NUDCD1: variants seen among roughly 807,000 people sequenced by gnomAD.
NUDCD1 encodes nudC domain-containing protein 1.
In NUDCD1, 60 loss-of-function variants were observed where a neutral mutation model predicts 67.8. The ratio of observed to expected loss-of-function variants is 0.88; its 90% CI spans 0.72 to 1.10. The LOEUF is 1.10. Among genes scored for constraint, NUDCD1 ranks in the 50% least tolerant of loss-of-function variants. The probability of loss-of-function intolerance (pLI) is 0.00; values close to 1 mark genes in which losing one functional copy is unlikely to be tolerated. For synonymous variants in NUDCD1, 244 were observed against 230.8 expected (o/e 1.06, Z -0.52); for missense variants, 643 against 695.0 (o/e 0.93, Z 0.84).
intron 8 of NUDCD1, among the ~76,000 whole-genome samples, chr8:109,255,688 A>G (rs1462341268): frequency 6.6e-6 from 1 of 151,904 alleles, no homozygotes; most frequent in African/African-American, 2.4e-5. Flanking sequence ...GAAAAAAAAA[A>G]AAAAGAAAAA....
chr8:109,266,934 G>C (rs924159771), intron 8 of NUDCD1, among the ~76,000 whole-genome samples: 3 of 151,988 alleles, frequency 2.0e-5, no homozygotes, highest in Non-Finnish European at 4.4e-5. Flanking sequence ...TTAAAACATA[G>C]AGTTCTGACC....
chr8:109,317,901 CTT>C (rs943702849), intron 2 of NUDCD1, among the ~76,000 whole-genome samples: 1 of 152,096 alleles, frequency 6.6e-6, no homozygotes, highest in Non-Finnish European at 1.5e-5. Context: ...CTGCTGTACC[CTT>C]TTTGTCAGCT....
In NUDCD1 at chr8:109,325,407, T is replaced by C. The variant is rs62509870; in HGVS notation, c.119-2944A>G. ...TAAATACTGAAGTTGATGAACACCC[T>C]AAATACTGATTTGATCATTACACAC... On this transcript the variant is annotated intron_variant, in intron 1 of 9. Coordinates refer to ENST00000239690, the MANE Select transcript of NUDCD1 (RefSeq NM_032869.4). Among the ~76,000 whole-genome samples the C allele has an allele frequency of 7.7e-3, 1,166 of 152,340 alleles. 7 individuals are homozygous for C. Among genetic ancestry groups the C allele is most frequent in the Non-Finnish European group, 0.012 (850 of 68,024 alleles).
chr8:109,328,487 A>T lies in NUDCD1; in HGVS notation c.118+5406T>A, dbSNP rs551040781. 1.1e-3 allele frequency among the ~76,000 whole-genome samples: 167 copies of T among 152,298 alleles called. 1 individual carries two copies. Among genetic ancestry groups the T allele is most frequent in the African/African-American group, 3.9e-3 (163 of 41,558 alleles). On this transcript the variant is annotated intron_variant, in intron 1 of 9. Transcript: ENST00000239690. ...TCTGCCTCAAGTACTCAAGAGTACT[A>T]ATGGCATGTGTTTGAGGAGATTACC...
chr8:109,264,530 T>G (rs1429542443), intron 8 of NUDCD1, among the ~76,000 whole-genome samples: 1 of 152,192 alleles, frequency 6.6e-6, no homozygotes, highest in African/African-American at 2.4e-5. Flanking sequence ...TCGTCATGGG[T>G]AAAAACATCC....
chr8:109,272,929 G>A (rs1310008565), intron 7 of NUDCD1, among the ~76,000 whole-genome samples: 2 of 152,070 alleles, frequency 1.3e-5, no homozygotes, highest in African/African-American at 4.8e-5. Flanking sequence ...TCTATGTCCA[G>A]CAGAATAGAG....
chr8:109,292,222 C>T (rs542949998), intron 4 of NUDCD1, among the ~76,000 whole-genome samples: 6 of 151,992 alleles, frequency 3.9e-5, no homozygotes, highest in Admixed American at 1.3e-4. Flanking sequence ...TTGGCATACT[C>T]GGATAGCTGT....
chr8:109,279,474 T>C (rs558253682), intron 6 of NUDCD1, among the ~76,000 whole-genome samples: 1 of 144,274 alleles, frequency 6.9e-6, no homozygotes, highest in African/African-American at 2.5e-5. Context: ...GGCTTCCTTA[T>C]ACACTAAGAA....
At chr8:109,328,685 A>G (rs1815736012) in intron 1 of NUDCD1, among the ~76,000 whole-genome samples, 2 of 152,182 alleles carry the variant, frequency 1.3e-5, no homozygotes, top group Admixed American at 6.5e-5. Flanking sequence ...ATAACCCTAG[A>G]CTGAGCACTG....
intron 2 of NUDCD1, among the ~76,000 whole-genome samples, chr8:109,308,364 C>T (rs1460593119): frequency 6.6e-6 from 1 of 152,132 alleles, no homozygotes. Flanking sequence ...TAAACACCTA[C>T]ATCGGAAAGT....
intron 7 of NUDCD1, 37 bp from the exon 8 acceptor site, chr8:109,271,167 CAAAT>C: frequency 1.4e-6 from 2 of 1,396,852 alleles, no homozygotes; most frequent in Non-Finnish European, 2.0e-6. Flanking sequence ...ATAAGTAAAA[CAAAT>C]AAACAAGGGA....
intron 2 of NUDCD1, among the ~76,000 whole-genome samples, chr8:109,306,029 G>C (rs2130077543): frequency 6.6e-6 from 1 of 152,218 alleles, no homozygotes; most frequent in South Asian, 2.1e-4. Context: ...GCTTTATGCA[G>C]TCACTCTCAC....
At chr8:109,317,102 G>C (rs565003485) in intron 2 of NUDCD1, among the ~76,000 whole-genome samples, 9 of 152,136 alleles carry the variant, frequency 5.9e-5, no homozygotes, top group Non-Finnish European at 1.2e-4. Context: ...AACCTAAGAG[G>C]AAACTGATGG....
At position 109,305,180 on chromosome 8, in the gene NUDCD1, G is replaced by A. The variant is rs546018753; in HGVS notation, c.274-8611C>T. On this transcript the variant is annotated intron_variant, in intron 2 of 9. Coordinates refer to ENST00000239690, the MANE Select transcript of NUDCD1 (RefSeq NM_032869.4). ...TGGGAATTTGTCTCTGCCCCGGACT[G>A]GCAAATTGACTTTACCCACATGCCC... Among the ~76,000 whole-genome samples the A allele has an allele frequency of 6.7e-4, 102 of 152,234 alleles. 1 individual carries two copies. The highest frequency in any genetic ancestry group is 3.4e-3 in the Middle Eastern group (1 of 294).
At position 109,245,450 on chromosome 8, in the gene NUDCD1, G is replaced by C. The variant is rs781445087; in HGVS notation, c.1331C>G (p.Ser444Cys). Residue 444 changes from serine (S) to cysteine (C), a missense_variant, in exon 9 of 10, where the codon TCT (serine) becomes TGT (cysteine). Transcript: ENST00000239690. ...CATTTCTTTAGGATCCACTATGACA[G>C]AGAAAAGGTACTGGTTGCTTCCAAG... Reference protein sequence around the residue: ...VNLGSNQYLFSVIVDPKEMPC... With the variant: ...VNLGSNQYLFCVIVDPKEMPC... The C allele has an allele frequency of 1.2e-6, 2 of 1,613,094 alleles. No homozygotes were observed. Among genetic ancestry groups the C allele is most frequent in the African/African-American group, 1.3e-5 (1 of 74,942 alleles).
intron 8 of NUDCD1, among the ~76,000 whole-genome samples, chr8:109,254,592 T>G (rs2129890898): frequency 6.6e-6 from 1 of 152,180 alleles, no homozygotes; most frequent in Non-Finnish European, 1.5e-5. Flanking sequence ...AAAGGTTATA[T>G]TTACCTTTGA....
rs1022530453 is a variant in NUDCD1 at position 109,281,253 on chromosome 8, T to G, written c.824-81A>C. The G allele has an allele frequency of 2.6e-5, 22 of 849,926 alleles. No homozygotes were observed. In the Admixed American group the frequency reaches 4.7e-4, roughly 18 times the overall value. The allele number at this position is 849,926 out of a possible 1,614,324, so 52.6% of individuals were successfully genotyped here. On this transcript the variant is annotated intron_variant, in intron 5 of 9. Transcript: ENST00000239690. The stretch of plus-strand genomic sequence containing the variant: ...CACACAAAACCTATCTAAAAGAATT[T>G]TAGTATATTTACTAGTGATCATCTC...
chr8:109,257,149 G>C (rs1047435975), intron 8 of NUDCD1, among the ~76,000 whole-genome samples: 1 of 152,008 alleles, frequency 6.6e-6, no homozygotes, highest in African/African-American at 2.4e-5. Context: ...ATCCTAGCTA[G>C]TACAATAAGG....
At chr8:109,322,485 C>T (rs1454034852) in intron 1 of NUDCD1, 22 bp from the exon 2 acceptor site, 4 of 1,570,328 alleles carry the variant, frequency 2.5e-6, no homozygotes, top group South Asian at 2.3e-5. Context: ...GAAAAGCAAA[C>T]ATAAACATCA....
Sources: gnomAD v4.1 joint callset for allele counts (sites outside exome capture counted in the v4.1 genomes callset) on GRCh38, gnomAD v4.1.1 for gene constraint, MANE v1.5 for transcripts, NCBI Gene and HGNC (gene_info 2026-07-23, HGNC 2026-07-21) for gene names.